The following DYNLRB1 variants were observed in gnomAD, a reference collection of about 807,000 sequenced individuals.
The protein encoded by DYNLRB1 is ROBL/LC7-like 1.
In DYNLRB1, 6 loss-of-function variants were observed where a neutral mutation model predicts 13.5. The ratio of observed to expected loss-of-function variants is 0.44; its 90% confidence interval spans 0.24 to 0.88. DYNLRB1 has a LOEUF of 0.88. DYNLRB1 is among the 40% of genes least tolerant of loss of function. The probability of loss-of-function intolerance (pLI) is 0.21; values close to 1 mark genes in which losing one functional copy is unlikely to be tolerated. For missense variants in DYNLRB1, 93 were observed against 127.2 expected (o/e 0.73, Z 1.29); for synonymous variants, 43 against 45.0 (o/e 0.96, Z 0.18).
At chr20:34,536,282 T>C in intron 3 of DYNLRB1, 2 of 985,334 alleles carry the variant, frequency 2.0e-6, no homozygotes, top group South Asian at 4.7e-5. Flanking sequence ...CAAATCCACA[T>C]CTGTAAAGTG....
chr20:34,536,835 G>A, intron 3 of DYNLRB1, among the ~76,000 whole-genome samples: 1 of 152,060 alleles, frequency 6.6e-6, no homozygotes, highest in Non-Finnish European at 1.5e-5. Context: ...TGGCCCACTG[G>A]GAGTTCAGGG....
intron 2 of DYNLRB1, among the ~76,000 whole-genome samples, chr20:34,529,678 G>A (rs972414851): frequency 5.4e-5 from 8 of 148,996 alleles, no homozygotes; most frequent in African/African-American, 9.9e-5. Flanking sequence ...GCAATGAGCC[G>A]AGATCACACC....
chr20:34,528,677 T>G (rs901767134), intron 2 of DYNLRB1, among the ~76,000 whole-genome samples: 4 of 152,158 alleles, frequency 2.6e-5, no homozygotes, highest in Non-Finnish European at 5.9e-5. Context: ...TTAATAATTG[T>G]TATAATGGCT....
At chr20:34,530,023 C>G in intron 2 of DYNLRB1, 4 of 1,256,818 alleles carry the variant, frequency 3.2e-6, no homozygotes, top group Non-Finnish European at 4.0e-6. Flanking sequence ...GCTCTAAGAC[C>G]TGAAAGACTT....
intron 1 of DYNLRB1, among the ~76,000 whole-genome samples, chr20:34,518,346 T>G (rs764773756): frequency 6.6e-6 from 1 of 152,056 alleles, no homozygotes; most frequent in Non-Finnish European, 1.5e-5. Flanking sequence ...CTTTTCTGAG[T>G]CTTTTGTGGT....
intron 2 of DYNLRB1, among the ~76,000 whole-genome samples, chr20:34,531,731 G>A (rs911302695): frequency 1.3e-5 from 2 of 152,320 alleles, no homozygotes; most frequent in Admixed American, 6.5e-5. Flanking sequence ...AGCTTACATT[G>A]TGGTGGGAGA....
chr20:34,539,726 T>C (rs1359226628), intron 3 of DYNLRB1, among the ~76,000 whole-genome samples: 5 of 152,118 alleles, frequency 3.3e-5, no homozygotes, highest in African/African-American at 1.2e-4. Context: ...AGGCTGGTCT[T>C]GAATTCCTGA....
At chr20:34,526,646 C>T (rs1202889311) in intron 2 of DYNLRB1, 3 of 382,744 alleles carry the variant, frequency 7.8e-6, no homozygotes, top group Non-Finnish European at 1.4e-5. Flanking sequence ...CGCTCAATCC[C>T]ACCACCCTGA....
intron 1 of DYNLRB1, among the ~76,000 whole-genome samples, chr20:34,518,358 C>G (rs1979432165): frequency 6.6e-6 from 1 of 151,850 alleles, no homozygotes; most frequent in Non-Finnish European, 1.5e-5. Context: ...TTTTGTGGTT[C>G]CATACGAATT....
At chr20:34,516,826 C>T (rs1211461030) in intron 1 of DYNLRB1, 13 of 1,549,396 alleles carry the variant, frequency 8.4e-6, no homozygotes, top group Non-Finnish European at 1.1e-5. Flanking sequence ...CAGGCTCTGC[C>T]AAGCACTTTA....
chr20:34,537,945 A>G (rs1981280614), intron 3 of DYNLRB1, among the ~76,000 whole-genome samples: 1 of 143,880 alleles, frequency 7.0e-6, no homozygotes, highest in Non-Finnish European at 1.5e-5. Flanking sequence ...TGTGTGCCAC[A>G]TTCACCCCAC....
rs1981092142 is a variant in DYNLRB1, at chr20:34,535,715, A to G, written c.247+920A>G. 9 of 985,252 alleles carry G rather than the reference A, an allele frequency of 9.1e-6. No homozygotes were observed. The South Asian group carries it at 4.2e-4, about 46-fold the overall frequency. The allele number at this position is 985,252 out of a possible 1,614,324, so 61.0% of individuals were successfully genotyped here. On this transcript the variant is annotated intron_variant, in intron 3 of 3. Transcript: ENST00000357156. ...CGCTGCAGTGCCGCTTATCTAGGGCATCAGGATGTGAGTGGGGAGGAGTGG... is the reference window on the plus strand; with the variant it reads ...CGCTGCAGTGCCGCTTATCTAGGGCGTCAGGATGTGAGTGGGGAGGAGTGG...
intron 3 of DYNLRB1, among the ~76,000 whole-genome samples, chr20:34,539,786 C>G (rs1219084265): frequency 6.6e-6 from 1 of 152,084 alleles, no homozygotes; most frequent in Admixed American, 6.5e-5. Flanking sequence ...CGTGAGCCAC[C>G]ACGCCTGACC....
intron 1 of DYNLRB1, chr20:34,516,925 C>T: frequency 7.3e-7 from 1 of 1,372,074 alleles, no homozygotes. Context: ...TGTTATTCAG[C>T]GCCCCGAGAA....
At chr20:34,539,648 A>G (rs1306659035) in intron 3 of DYNLRB1, among the ~76,000 whole-genome samples, 1 of 152,026 alleles carries the variant, frequency 6.6e-6, no homozygotes, top group Non-Finnish European at 1.5e-5. Context: ...CTGGGATTAC[A>G]GGCACCTGCC....
At position 34,528,171 on chromosome 20, in the gene DYNLRB1, G is replaced by T. The variant is rs2146633499; in HGVS notation, c.79+1828G>T. On this transcript the variant is annotated intron_variant, in intron 2 of 3. Coordinates refer to ENST00000357156, the MANE Select transcript of DYNLRB1 (RefSeq NM_014183.4). Reference sequence around the variant, plus strand: ...ACTAAAAATACAAAAAATTAGCCGGGCGTAGTGGCGGGCGCCTGTAGTCCC... The same window carrying T: ...ACTAAAAATACAAAAAATTAGCCGGTCGTAGTGGCGGGCGCCTGTAGTCCC... Among the ~76,000 whole-genome samples, 2 of 93,346 alleles carry T rather than the reference G, an allele frequency of 2.1e-5. 1 individual carries two copies. Among genetic ancestry groups the T allele is most frequent in the South Asian group, 7.1e-4 (2 of 2,812 alleles). The allele number at this position is 93,346 out of a possible 152,430, so 61.2% of individuals were successfully genotyped here.
intron 1 of DYNLRB1, among the ~76,000 whole-genome samples, chr20:34,522,661 A>G (rs1979849593): frequency 6.6e-6 from 1 of 151,398 alleles, no homozygotes; most frequent in Non-Finnish European, 1.5e-5. Context: ...TTTTGTAGAG[A>G]CGAAGCTTCA....
chr20:34,528,307 G>A lies in DYNLRB1; in HGVS notation c.79+1964G>A, dbSNP rs1224446405. 1.6e-3 allele frequency among the ~76,000 whole-genome samples: 19 copies of A among 11,690 alleles called. 2 individuals are homozygous for A. The South Asian group carries it at 0.05, about 31-fold the overall frequency. 7.7% of individuals were successfully genotyped at this position (11,690 alleles called of 152,430 possible). ...AGCCTGGGCGACAGAGCGAGACTCC[G>A]TCTCAAAAAAAAAAAAAAAAAAAAA... On this transcript the variant is annotated intron_variant, in intron 2 of 3. Coordinates refer to ENST00000357156, the MANE Select transcript of DYNLRB1 (RefSeq NM_014183.4).
At chr20:34,517,186 A>T (rs982123846) in intron 1 of DYNLRB1, among the ~76,000 whole-genome samples, 1 of 152,210 alleles carries the variant, frequency 6.6e-6, no homozygotes, top group Non-Finnish European at 1.5e-5. Flanking sequence ...AAAAGTTTCA[A>T]ATTTTAAGCC....
Sources: allele counts gnomAD v4.1 joint callset (sites outside exome capture counted in the v4.1 genomes callset), GRCh38; gene constraint gnomAD v4.1.1; transcripts MANE v1.5; gene names NCBI Gene and HGNC (gene_info 2026-07-23, HGNC 2026-07-21).